Variants in AGBL1 observed in about 807,000 individuals in gnomAD.
AGBL1 encodes the protein AGBL carboxypeptidase 1.
A neutral mutation model predicts 118.9 loss-of-function variants in AGBL1; 130 were observed. That is an observed-to-expected ratio of 1.09 (90% CI 0.95 to 1.26). The LOEUF (loss-of-function observed/expected upper bound fraction) is 1.26. Among genes scored for constraint, AGBL1 ranks in the 50% most tolerant of loss-of-function variants. The pLI is 0.00. For missense variants in AGBL1, 1,584 were observed against 1,298.1 expected (o/e 1.22, Z -3.38); for synonymous variants, 555 against 478.9 (o/e 1.16, Z -2.08).
chr15:86,309,619 A>C (rs1257545182), intron 17 of AGBL1, among the ~76,000 whole-genome samples: 1 of 152,210 alleles, frequency 6.6e-6, no homozygotes, highest in African/African-American at 2.4e-5. Context: ...TTATCATGAA[A>C]GGATATTGAA....
intron 18 of AGBL1, among the ~76,000 whole-genome samples, chr15:86,481,130 G>A (rs1433819392): frequency 5.2e-4 from 32 of 61,532 alleles, no homozygotes; most frequent in African/African-American, 7.4e-4. Context: ...GACAATGAGA[G>A]CAAAAAAAAA....
At chr15:86,405,589 T>C (rs559938061) in intron 18 of AGBL1, among the ~76,000 whole-genome samples, 79 of 152,222 alleles carry the variant, frequency 5.2e-4, no homozygotes, top group Non-Finnish European at 9.0e-4. Flanking sequence ...GTGGCTCTCA[T>C]ACGTAACGAA....
At chr15:86,683,827 T>C (rs757836490) in intron 22 of AGBL1, among the ~76,000 whole-genome samples, 7 of 152,170 alleles carry the variant, frequency 4.6e-5, no homozygotes, top group South Asian at 2.1e-4. Flanking sequence ...GGAGCAGTTG[T>C]TGTCATTTAA....
chr15:86,377,865 G>A (rs1006218430), intron 17 of AGBL1, among the ~76,000 whole-genome samples: 2 of 152,182 alleles, frequency 1.3e-5, no homozygotes, highest in South Asian at 2.1e-4. Flanking sequence ...GGTATTATTC[G>A]TATGATTGCC....
At chr15:86,848,168 A>G (rs772071236) in intron 22 of AGBL1, among the ~76,000 whole-genome samples, 3 of 152,194 alleles carry the variant, frequency 2.0e-5, no homozygotes, top group African/African-American at 4.8e-5. Context: ...TACCCACAGC[A>G]AGAATGCCAG....
At chr15:86,722,964 C>A (rs1231948102) in intron 22 of AGBL1, among the ~76,000 whole-genome samples, 1 of 151,692 alleles carries the variant, frequency 6.6e-6, no homozygotes, top group Non-Finnish European at 1.5e-5. Flanking sequence ...ATACCATCTC[C>A]CACCAGTTAG....
downstream of AGBL1, among the ~76,000 whole-genome samples, chr15:86,919,673 A>G (rs988885427): frequency 1.4e-4 from 21 of 152,154 alleles, no homozygotes; most frequent in African/African-American, 4.1e-4. Flanking sequence ...CTTCAAGGAC[A>G]CTAATTTGGT....
rs146007381 is a variant in AGBL1, at chr15:86,427,118, A to C, written c.2555+29572A>C. ...AGATCACCTAAAGAAAAAAAAATTG[A>C]CTTCATGTTTTCTTTGTCACCAAAT... On this transcript the variant is annotated intron_variant, in intron 18 of 22. Coordinates refer to ENST00000614907, the MANE Select transcript of AGBL1 (RefSeq NM_001386094.1). Among the ~76,000 whole-genome samples the C allele has an allele frequency of 3.2e-3, 482 of 152,288 alleles. 1 individual carries two copies. Among genetic ancestry groups the C allele is most frequent in the African/African-American group, 0.011 (455 of 41,562 alleles).
chr15:86,314,026 G>T (rs1210788958), intron 17 of AGBL1, among the ~76,000 whole-genome samples: 3 of 152,194 alleles, frequency 2.0e-5, no homozygotes, highest in Non-Finnish European at 2.9e-5. Flanking sequence ...TAAACGCCTA[G>T]ATCCTTACTG....
chr15:86,679,044 A>T (rs1038106053), intron 22 of AGBL1, among the ~76,000 whole-genome samples: 1 of 152,060 alleles, frequency 6.6e-6, no homozygotes, highest in African/African-American at 2.4e-5. Context: ...TTTGTTTAAA[A>T]ATGTGTTTTG....
chr15:86,382,424 AC>A (rs2081125233), intron 17 of AGBL1, among the ~76,000 whole-genome samples: 1 of 152,150 alleles, frequency 6.6e-6, no homozygotes, highest in African/African-American at 2.4e-5. Context: ...TGCTCCCCAC[AC>A]ACTCTGTTGA....
chr15:86,282,935 GACT>G (rs1045855547), intron 16 of AGBL1, among the ~76,000 whole-genome samples: 1 of 152,166 alleles, frequency 6.6e-6, no homozygotes, highest in Admixed American at 6.5e-5. Context: ...TTTTCAACGT[GACT>G]ACAATTTTGA....
chr15:86,265,254 A>C (rs534550474), intron 11 of AGBL1, among the ~76,000 whole-genome samples: 1 of 152,200 alleles, frequency 6.6e-6, no homozygotes, highest in Non-Finnish European at 1.5e-5. Context: ...TCTTGCTAAT[A>C]GAAAGGAGGA....
At chr15:86,204,927 C>T (rs760263163) in intron 5 of AGBL1, among the ~76,000 whole-genome samples, 47 of 152,084 alleles carry the variant, frequency 3.1e-4, no homozygotes, top group Admixed American at 8.5e-4. Context: ...TCATTGTCAC[C>T]CAAAGTCCAT....
At chr15:86,381,056 A>G (rs1281281926) in intron 17 of AGBL1, among the ~76,000 whole-genome samples, 1 of 152,238 alleles carries the variant, frequency 6.6e-6, no homozygotes, top group Non-Finnish European at 1.5e-5. Context: ...GGCCTGAGGT[A>G]CTTTAAGAAT....
intron 22 of AGBL1, among the ~76,000 whole-genome samples, chr15:86,810,233 G>A (rs2078769675): frequency 6.6e-6 from 1 of 152,112 alleles, no homozygotes; most frequent in South Asian, 2.1e-4. Flanking sequence ...CACAGTCCCT[G>A]GAATATAACC....
In AGBL1 at chr15:86,476,082, A is replaced by G. The variant is rs984515115; in HGVS notation, c.2556-46728A>G. Among the ~76,000 whole-genome samples, 11 of 152,324 alleles carry G rather than the reference A, an allele frequency of 7.2e-5. 1 individual carries two copies. Among genetic ancestry groups the G allele is most frequent in the African/African-American group, 2.6e-4 (11 of 41,574 alleles). On this transcript the variant is annotated intron_variant, in intron 18 of 22. Coordinates refer to ENST00000614907, the MANE Select transcript of AGBL1 (RefSeq NM_001386094.1). ...CCTTACAAGAGCTCCTGAAGGAAGT[A>G]CTAAATATGGAAAGGAACAACCAGT...
chr15:86,130,438 A>C (rs1255789597), intron 1 of AGBL1, among the ~76,000 whole-genome samples: 3 of 152,074 alleles, frequency 2.0e-5, no homozygotes, highest in Non-Finnish European at 4.4e-5. Flanking sequence ...GTGTCTTCTT[A>C]TTTTCTTAAT....
chr15:86,410,832 AT>A lies in AGBL1; in HGVS notation c.2555+13287del, dbSNP rs367769924. 1.6e-3 allele frequency among the ~76,000 whole-genome samples: 132 copies of A among 83,156 alleles called. 5 individuals carry two copies. Among genetic ancestry groups the A allele is most frequent in the African/African-American group, 4.8e-3 (94 of 19,488 alleles). The allele number at this position is 83,156 out of a possible 152,430, so 54.6% of individuals were successfully genotyped here. A position where few individuals can be genotyped will look rare whatever the true frequency, so the allele number is the denominator to read the frequency against. On this transcript the variant is annotated intron_variant, in intron 18 of 22. Coordinates refer to ENST00000614907, the MANE Select transcript of AGBL1 (RefSeq NM_001386094.1). ...GATATATATATATATATATATATATATATATATATAATATACTATTTTATAT... is the reference window on the plus strand; with the variant it reads ...GATATATATATATATATATATATATAATATATATAATATACTATTTTATAT...
Sources: allele counts gnomAD v4.1 joint callset (sites outside exome capture counted in the v4.1 genomes callset), GRCh38; gene constraint gnomAD v4.1.1; transcripts MANE v1.5; gene names NCBI Gene and HGNC (gene_info 2026-07-23, HGNC 2026-07-21).